The following KHDRBS2 variants were observed in gnomAD, a reference collection of about 807,000 sequenced individuals.
KHDRBS2 encodes KH RNA binding domain containing, signal transduction associated 2.
KHDRBS2 carries 26 observed loss-of-function variants against 44.3 expected under a neutral mutation model. The ratio of observed to expected loss-of-function variants is 0.59; its 90% CI spans 0.43 to 0.81. The LOEUF (loss-of-function observed/expected upper bound fraction) is 0.81. Ranked by LOEUF, KHDRBS2 falls within the 40% of genes least tolerant of loss-of-function variation. KHDRBS2 has a pLI of 0.00. For synonymous variants in KHDRBS2, 194 were observed against 151.1 expected (o/e 1.28, Z -2.08); for missense variants, 476 against 433.1 (o/e 1.10, Z -0.88).
chr6:62,250,745 A>G (rs1836383952), intron 1 of KHDRBS2, among the ~76,000 whole-genome samples: 1 of 152,068 alleles, frequency 6.6e-6, no homozygotes. Flanking sequence ...GAAGCGTCTC[A>G]TCACAGACTC....
chr6:62,284,700 GTATT>G (rs1308668685), intron 1 of KHDRBS2, among the ~76,000 whole-genome samples: 1 of 151,706 alleles, frequency 6.6e-6, no homozygotes, highest in Non-Finnish European at 1.5e-5. Flanking sequence ...TAATTGTTTA[GTATT>G]TAAACATAGA....
Position 61,848,552 on chromosome 6 carries a change from CATATATATATGTATATAT to C in KHDRBS2, c.810+46065_810+46082del, listed in dbSNP as rs1794925022. ...ATATACATATATATGTATATATATA[CATATATATATGTATATAT>C]ATATACATATATATATATATATACT... On this transcript the variant is annotated intron_variant, in intron 6 of 8. Coordinates refer to ENST00000281156, the MANE Select transcript of KHDRBS2 (RefSeq NM_152688.4). Among the ~76,000 whole-genome samples the C allele has an allele frequency of 5.4e-5, 2 of 37,250 alleles. 1 individual carries two copies. The highest frequency in any genetic ancestry group is 2.2e-4 in the African/African-American group (2 of 8,998). The allele number at this position is 37,250 out of a possible 152,430, so 24.4% of individuals were successfully genotyped here.
chr6:61,785,253 G>T (rs896912330), intron 6 of KHDRBS2, among the ~76,000 whole-genome samples: 1 of 151,820 alleles, frequency 6.6e-6, no homozygotes, highest in African/African-American at 2.4e-5. Flanking sequence ...CTAATACTTA[G>T]AGAAATGCTA....
chr6:61,941,889 A>G (rs1936714078), intron 4 of KHDRBS2, among the ~76,000 whole-genome samples: 1 of 152,218 alleles, frequency 6.6e-6, no homozygotes, highest in African/African-American at 2.4e-5. Flanking sequence ...AACGAACATA[A>G]TAATACTCCA....
chr6:61,826,587 C>T (rs1583035701), intron 6 of KHDRBS2, among the ~76,000 whole-genome samples: 2 of 152,158 alleles, frequency 1.3e-5, no homozygotes, highest in East Asian at 1.9e-4. Context: ...TTTTCATTTA[C>T]CCCAGTGAGT....
At chr6:61,794,282 C>A (rs1318714953) in intron 6 of KHDRBS2, among the ~76,000 whole-genome samples, 1 of 152,104 alleles carries the variant, frequency 6.6e-6, no homozygotes, top group Non-Finnish European at 1.5e-5. Flanking sequence ...GATGGGGAAG[C>A]CAAGATTAAG....
chr6:61,744,569 A>G (rs948993376), intron 6 of KHDRBS2, among the ~76,000 whole-genome samples: 1 of 152,124 alleles, frequency 6.6e-6, no homozygotes, highest in Non-Finnish European at 1.5e-5. Flanking sequence ...AGCAAAACAC[A>G]TGAAAACTGG....
intron 2 of KHDRBS2, among the ~76,000 whole-genome samples, chr6:62,159,925 C>T (rs1277576766): frequency 5.3e-5 from 8 of 152,068 alleles, no homozygotes; most frequent in Non-Finnish European, 1.2e-4. Flanking sequence ...ATCTTGCAGT[C>T]TTAGGGGTGG....
At chr6:61,734,994 G>T (rs1489327503) in intron 6 of KHDRBS2, among the ~76,000 whole-genome samples, 1 of 152,070 alleles carries the variant, frequency 6.6e-6, no homozygotes, top group Non-Finnish European at 1.5e-5. Flanking sequence ...ATTTCCTTTG[G>T]CCAGATTCCA....
At chr6:62,001,124 G>T (rs1183544290) in intron 3 of KHDRBS2, among the ~76,000 whole-genome samples, 2 of 152,106 alleles carry the variant, frequency 1.3e-5, no homozygotes, top group African/African-American at 4.8e-5. Context: ...CACCTTACTT[G>T]AGGACAATTT....
chr6:61,759,513 A>T (rs1475401879), intron 6 of KHDRBS2, among the ~76,000 whole-genome samples: 1 of 152,042 alleles, frequency 6.6e-6, no homozygotes. Context: ...GATTTTAATT[A>T]TTTTTGAAGG....
intron 6 of KHDRBS2, among the ~76,000 whole-genome samples, chr6:61,809,621 C>G (rs2127592190): frequency 6.6e-6 from 1 of 152,202 alleles, no homozygotes; most frequent in South Asian, 2.1e-4. Flanking sequence ...TTTGCAAAAT[C>G]TTTTTATTAA....
chr6:62,161,385 C>A (rs2150112029), intron 2 of KHDRBS2, among the ~76,000 whole-genome samples: 1 of 150,942 alleles, frequency 6.6e-6, no homozygotes, highest in African/African-American at 2.4e-5. Flanking sequence ...TAAAATAACA[C>A]AAATAATATC....
intron 2 of KHDRBS2, among the ~76,000 whole-genome samples, chr6:62,098,243 CGTTTT>C (rs1562852008): frequency 1.8e-5 from 2 of 110,758 alleles, no homozygotes; most frequent in African/African-American, 6.7e-5. Flanking sequence ...TAGCTTCAAA[CGTTTT>C]TTTTTTTTTT....
the KHDRBS2 span, among the ~76,000 whole-genome samples, chr6:61,550,360 A>G: frequency 7.9e-5 from 12 of 152,176 alleles, no homozygotes; most frequent in Non-Finnish European, 1.6e-4. Flanking sequence ...ATGTTGCTGC[A>G]AAGGGCATGA....
intron 4 of KHDRBS2, among the ~76,000 whole-genome samples, chr6:61,906,448 T>G (rs1345242132): frequency 2.0e-5 from 3 of 152,134 alleles, no homozygotes; most frequent in Non-Finnish European, 4.4e-5. Flanking sequence ...TAAATTATCG[T>G]TGACTATATT....
chr6:62,120,867 T>C (rs1213405860), intron 2 of KHDRBS2, among the ~76,000 whole-genome samples: 1 of 152,180 alleles, frequency 6.6e-6, no homozygotes, highest in East Asian at 1.9e-4. Flanking sequence ...ATTATGATGT[T>C]AATCTTTTTC....
chr6:61,630,629 A>T, the KHDRBS2 span: 1 of 152,242 alleles, frequency 6.6e-6, no homozygotes, highest in East Asian at 1.9e-4. Flanking sequence ...ATGATGCCTG[A>T]AACAAGGAAG....
At chr6:62,062,658 T>A (rs1219815606) in intron 2 of KHDRBS2, among the ~76,000 whole-genome samples, 1 of 148,646 alleles carries the variant, frequency 6.7e-6, no homozygotes, top group East Asian at 2.0e-4. Flanking sequence ...CAGCACTAAA[T>A]GCCCACAAGA....
Sources: gnomAD v4.1 joint callset for allele counts (sites outside exome capture counted in the v4.1 genomes callset) on GRCh38, gnomAD v4.1.1 for gene constraint, MANE v1.5 for transcripts, NCBI Gene and HGNC (gene_info 2026-07-23, HGNC 2026-07-21) for gene names.